Variants in SNX18 observed in about 807,000 individuals in gnomAD.
SNX18 encodes the protein sorting nexin 18.
In SNX18, 35 loss-of-function variants were observed where a neutral mutation model predicts 48.7. That is an observed-to-expected ratio of 0.72 (90% CI 0.55 to 0.95). The LOEUF is 0.95. Ranked by LOEUF, SNX18 falls within the 40% of genes least tolerant of loss-of-function variation. The pLI is 0.00. For missense variants in SNX18, 824 were observed against 871.0 expected, an observed-to-expected ratio of 0.95 and a Z score of 0.68; for synonymous variants, 492 against 384.7, an observed-to-expected ratio of 1.28 and a Z score of -3.26.
chr5:54,618,296 C>G, the SNX18 span, among the ~76,000 whole-genome samples: 31 of 152,306 alleles, frequency 2.0e-4, no homozygotes, highest in African/African-American at 7.5e-4. Flanking sequence ...TCAATTAAAC[C>G]TCTGTCTTTT....
the SNX18 span, among the ~76,000 whole-genome samples, chr5:54,642,158 G>A: frequency 6.6e-6 from 1 of 152,196 alleles, no homozygotes; most frequent in Non-Finnish European, 1.5e-5. Flanking sequence ...TCTGAGAGAA[G>A]GAGGCTGGGA....
rs945287067 is a variant in SNX18 at position 54,544,543 on chromosome 5, A to C, written c.*1111A>C. On this transcript the variant is annotated 3_prime_UTR_variant, in exon 2 of 2. Transcript: ENST00000381410. ...AAAAGTGGTGTGGATTGATCTAAGG[A>C]GGGACCAGAAATAATTTTTGCTATT... is the stretch of plus-strand genomic sequence containing the variant. 1 of 150,284 alleles carries C rather than the reference A, an allele frequency of 6.7e-6. No individual in the cohort carries two copies. The highest frequency in any genetic ancestry group is 2.4e-5 in the African/African-American group (1 of 41,092). The allele number at this position is 150,284 out of a possible 1,614,324, so 9.3% of individuals were successfully genotyped here. A position where few individuals can be genotyped will look rare whatever the true frequency, so the allele number is the denominator to read the frequency against.
chr5:54,528,041 G>A (rs1580098637), intron 1 of SNX18, among the ~76,000 whole-genome samples: 1 of 151,994 alleles, frequency 6.6e-6, no homozygotes, highest in East Asian at 1.9e-4. Context: ...GGGGAAGTTT[G>A]AAAATGCTTA....
chr5:54,541,190 G>A (rs966807501), intron 1 of SNX18, among the ~76,000 whole-genome samples: 1 of 151,976 alleles, frequency 6.6e-6, no homozygotes, highest in East Asian at 1.9e-4. Flanking sequence ...ACCACGCCCG[G>A]CTAATTTTTG....
chr5:54,617,023 T>C, the SNX18 span, among the ~76,000 whole-genome samples: 1 of 152,166 alleles, frequency 6.6e-6, no homozygotes, highest in Non-Finnish European at 1.5e-5. Context: ...TTCCCCTAGT[T>C]CCTTCGACAT....
chr5:54,528,881 C>T (rs539792546), intron 1 of SNX18, among the ~76,000 whole-genome samples: 3 of 152,278 alleles, frequency 2.0e-5, no homozygotes, highest in South Asian at 2.1e-4. Context: ...CAGAACCAGC[C>T]GCTGAGGGGA....
the SNX18 span, among the ~76,000 whole-genome samples, chr5:54,601,838 T>C: frequency 1.5e-4 from 23 of 151,992 alleles, no homozygotes. Context: ...CTTCAGTCCA[T>C]GAGGTAACAA....
chr5:54,535,497 CAT>C, intron 1 of SNX18, among the ~76,000 whole-genome samples: 1 of 152,244 alleles, frequency 6.6e-6, no homozygotes, highest in East Asian at 1.9e-4. Flanking sequence ...ACTCTCAAAA[CAT>C]AGAAAGGAAA....
At chr5:54,632,813 C>T in the SNX18 span, among the ~76,000 whole-genome samples, 6 of 151,952 alleles carry the variant, frequency 3.9e-5, no homozygotes, top group African/African-American at 1.2e-4. Context: ...CTTGCTCTGT[C>T]GCCAGGCTGG....
intron 1 of SNX18, among the ~76,000 whole-genome samples, chr5:54,524,063 C>T (rs1762081454): frequency 1.3e-5 from 2 of 152,170 alleles, no homozygotes; most frequent in Non-Finnish European, 2.9e-5. Context: ...ACCCATTTCT[C>T]CTCTCCCCTG....
At chr5:54,615,067 T>A in the SNX18 span, among the ~76,000 whole-genome samples, 1 of 152,134 alleles carries the variant, frequency 6.6e-6, no homozygotes, top group South Asian at 2.1e-4. Flanking sequence ...GGAAAAAACA[T>A]TATAGATGGA....
the SNX18 span, among the ~76,000 whole-genome samples, chr5:54,631,278 G>C: frequency 6.6e-6 from 1 of 152,158 alleles, no homozygotes; most frequent in East Asian, 1.9e-4. Flanking sequence ...ATGTTTCATA[G>C]AACTATGCTC....
chr5:54,634,926 T>C, the SNX18 span, among the ~76,000 whole-genome samples: 1 of 152,194 alleles, frequency 6.6e-6, no homozygotes, highest in South Asian at 2.1e-4. Context: ...GAATTTCCTT[T>C]AAAAACTAAA....
chr5:54,540,495 G>A (rs1055918542), intron 1 of SNX18, among the ~76,000 whole-genome samples: 3 of 152,192 alleles, frequency 2.0e-5, no homozygotes, highest in African/African-American at 7.2e-5. Flanking sequence ...GGGATTTTAG[G>A]CATAAGCCAC....
At chr5:54,572,539 A>G in the SNX18 span, among the ~76,000 whole-genome samples, 1 of 151,942 alleles carries the variant, frequency 6.6e-6, no homozygotes, top group Admixed American at 6.6e-5. Context: ...CAAATACTAG[A>G]GGTGTAGTGA....
the SNX18 span, among the ~76,000 whole-genome samples, chr5:54,627,216 T>A: frequency 6.6e-6 from 1 of 152,208 alleles, no homozygotes; most frequent in Non-Finnish European, 1.5e-5. Flanking sequence ...TTGTTGTAGC[T>A]GAAAAGCAGA....
chr5:54,536,196 T>A (rs1323609955), intron 1 of SNX18, among the ~76,000 whole-genome samples: 1 of 152,178 alleles, frequency 6.6e-6, no homozygotes, highest in Non-Finnish European at 1.5e-5. Context: ...ATCGATTGCC[T>A]CACTTTAAAT....
the SNX18 span, among the ~76,000 whole-genome samples, chr5:54,554,303 C>A: frequency 6.6e-6 from 1 of 152,144 alleles, no homozygotes; most frequent in African/African-American, 2.4e-5. Flanking sequence ...TATTACAGTG[C>A]CTGGACCCCA....
chr5:54,524,211 G>A (rs1762084735), intron 1 of SNX18, among the ~76,000 whole-genome samples: 1 of 152,196 alleles, frequency 6.6e-6, no homozygotes, highest in Non-Finnish European at 1.5e-5. Context: ...ACACGACTCA[G>A]TTCCTTGGTT....
Sources: allele counts gnomAD v4.1 joint callset (sites outside exome capture counted in the v4.1 genomes callset), GRCh38; gene constraint gnomAD v4.1.1; transcripts MANE v1.5; gene names NCBI Gene and HGNC (gene_info 2026-07-23, HGNC 2026-07-21).